Variants in TAS2R1 observed in about 807,000 individuals in gnomAD.
The protein encoded by TAS2R1 is taste receptor type 2 member 1.
For synonymous variants in TAS2R1, 141 were observed against 134.2 expected (o/e 1.05, Z -0.35); for missense variants, 370 against 353.4 (o/e 1.05, Z -0.38).
chr5:9,766,866 C>T, the TAS2R1 span, among the ~76,000 whole-genome samples: 2 of 152,196 alleles, frequency 1.3e-5, no homozygotes, highest in Non-Finnish European at 2.9e-5. Flanking sequence ...TAGCCAGGAG[C>T]TCACAGAATC....
At chr5:9,787,679 C>T in the TAS2R1 span, among the ~76,000 whole-genome samples, 70 of 152,278 alleles carry the variant, frequency 4.6e-4, no homozygotes, top group African/African-American at 1.5e-3. Flanking sequence ...CTAACATCTG[C>T]GTGCTAAGCA....
the TAS2R1 span, among the ~76,000 whole-genome samples, chr5:9,743,778 C>T: frequency 6.6e-6 from 1 of 152,010 alleles, no homozygotes; most frequent in Non-Finnish European, 1.5e-5. Context: ...TACCATATAG[C>T]TTTAGAAAGA....
chr5:9,671,060 A>T (rs1740742860), intron 1 of TAS2R1, among the ~76,000 whole-genome samples: 1 of 152,336 alleles, frequency 6.6e-6, no homozygotes, highest in East Asian at 1.9e-4. Flanking sequence ...ATCTCAATAG[A>T]TGTAGAAAAG....
At chr5:9,815,350 T>G in the TAS2R1 span, among the ~76,000 whole-genome samples, 1 of 152,210 alleles carries the variant, frequency 6.6e-6, no homozygotes, top group Non-Finnish European at 1.5e-5. Flanking sequence ...TGGGCTTAGA[T>G]GTACAACTGG....
chr5:9,629,287 G>A lies in TAS2R1; in HGVS notation c.746C>T (p.Ser249Phe). The change falls in exon 1 of 1, where the codon TCT becomes TTT. Residue 249 changes from serine (S) to phenylalanine (F), a missense_variant. Ser to Phe is a radical substitution (Grantham distance 155). Transcript: ENST00000382492. ...GAACCTTCTGATGTGAAACTTTAGA[G>A]AAGAGAGAAAAACTTTTATCATGCA... The part of the protein sequence containing the change: ...SHCMIKVFLS[S>F]LKFHIRRFIF... 6.2e-7 allele frequency: 1 copy of A among 1,613,974 alleles called. No homozygotes were observed. The highest frequency in any genetic ancestry group is 1.1e-5 in the South Asian group (1 of 91,052).
chr5:9,731,103 C>G, the TAS2R1 span, among the ~76,000 whole-genome samples: 1 of 152,110 alleles, frequency 6.6e-6, no homozygotes, highest in Non-Finnish European at 1.5e-5. Context: ...GGTATGCCCT[C>G]CACCAGCTGA....
intron 2 of TAS2R1, among the ~76,000 whole-genome samples, chr5:9,653,879 C>A (rs1740357244): frequency 6.6e-6 from 1 of 152,124 alleles, no homozygotes; most frequent in Non-Finnish European, 1.5e-5. Flanking sequence ...TAAAACCAAG[C>A]TTTTTGGTTA....
At chr5:9,848,422 A>C in the TAS2R1 span, among the ~76,000 whole-genome samples, 1 of 152,190 alleles carries the variant, frequency 6.6e-6, no homozygotes, top group African/African-American at 2.4e-5. Context: ...TCCTTATGTC[A>C]AGTTTAATGC....
chr5:9,813,159 C>T, the TAS2R1 span, among the ~76,000 whole-genome samples: 1 of 152,012 alleles, frequency 6.6e-6, no homozygotes, highest in South Asian at 2.1e-4. Flanking sequence ...CACAGAGATA[C>T]CCATAGAGAG....
chr5:9,809,869 A>AT, the TAS2R1 span, among the ~76,000 whole-genome samples: 8 of 152,132 alleles, frequency 5.3e-5, no homozygotes, highest in African/African-American at 1.9e-4. Context: ...AAAATAAAAT[A>AT]TTTTTTAAAA....
intron 1 of TAS2R1, among the ~76,000 whole-genome samples, chr5:9,670,986 C>CT (rs1561374648): frequency 6.6e-6 from 1 of 152,184 alleles, no homozygotes; most frequent in Non-Finnish European, 1.5e-5. Context: ...GTTGGTTCAA[C>CT]TTATGTAAAT....
In TAS2R1 at chr5:9,646,096, G is replaced by T. The variant is rs1170153584; in HGVS notation, c.-81+13325C>A. 8.5e-5 allele frequency among the ~76,000 whole-genome samples: 13 copies of T among 152,066 alleles called. 1 individual carries two copies. The highest frequency in any genetic ancestry group is 8.5e-4 in the Admixed American group (13 of 15,262). On this transcript the variant is annotated intron_variant, in intron 2 of 2. Transcript: ENST00000506620. ...CCAGTCATTTAGTGAAGTAACTAGG[G>T]CCCATACCTGTGACTTGTATATTAG...
At chr5:9,740,603 C>A in the TAS2R1 span, among the ~76,000 whole-genome samples, 1 of 152,154 alleles carries the variant, frequency 6.6e-6, no homozygotes, top group Non-Finnish European at 1.5e-5. Context: ...ATCTGTCACC[C>A]AATTGCCTTC....
intron 2 of TAS2R1, among the ~76,000 whole-genome samples, chr5:9,648,986 C>T (rs1740252122): frequency 6.6e-6 from 1 of 152,132 alleles, no homozygotes; most frequent in Non-Finnish European, 1.5e-5. Flanking sequence ...GACCTGAGGT[C>T]CACAATTGCT....
chr5:9,640,339 T>C (rs955782277), intron 2 of TAS2R1, among the ~76,000 whole-genome samples: 8 of 151,570 alleles, frequency 5.3e-5, no homozygotes, highest in Non-Finnish European at 8.8e-5. Flanking sequence ...AGATCATTGA[T>C]CACAGATCAC....
the TAS2R1 span, among the ~76,000 whole-genome samples, chr5:9,791,676 G>A: frequency 1.1e-4 from 16 of 152,132 alleles, no homozygotes; most frequent in African/African-American, 3.1e-4. Flanking sequence ...TCCAGCCTGG[G>A]CAATGAAGCA....
chr5:9,736,629 CT>C, the TAS2R1 span, among the ~76,000 whole-genome samples: 3 of 152,206 alleles, frequency 2.0e-5, no homozygotes, highest in African/African-American at 4.8e-5. Flanking sequence ...TTCCTAATTG[CT>C]GTTTCTTGGG....
chr5:9,793,537 A>T, the TAS2R1 span, among the ~76,000 whole-genome samples: 1 of 152,188 alleles, frequency 6.6e-6, no homozygotes, highest in Non-Finnish European at 1.5e-5. Context: ...AGGCCTTGGA[A>T]GACACAATAA....
intron 1 of TAS2R1, among the ~76,000 whole-genome samples, chr5:9,665,651 C>A (rs974350244): frequency 6.6e-6 from 1 of 152,234 alleles, no homozygotes; most frequent in Non-Finnish European, 1.5e-5. Context: ...TGCCTGAAGG[C>A]AAATCCTCAG....
Sources: gnomAD v4.1 joint callset for allele counts (sites outside exome capture counted in the v4.1 genomes callset) on GRCh38, gnomAD v4.1.1 for gene constraint, MANE v1.5 for transcripts, NCBI Gene and HGNC (gene_info 2026-07-23, HGNC 2026-07-21) for gene names.